The following GALNT17 variants were observed in gnomAD, a reference collection of about 807,000 sequenced individuals.
The protein encoded by GALNT17 is polypeptide N-acetylgalactosaminyltransferase 17, also known as UDP-GalNAc:polypeptide N-acetylgalactosaminyltransferase-like 3.
Under a neutral mutation model 63.7 loss-of-function variants are expected in GALNT17, and 29 were observed. That is an observed-to-expected ratio of 0.46 (90% CI 0.34 to 0.62). The LOEUF (loss-of-function observed/expected upper bound fraction) is 0.62. Ranked by LOEUF, GALNT17 falls within the 20% of genes least tolerant of loss-of-function variation. The pLI, the probability that GALNT17 is intolerant of heterozygous loss-of-function variation, is 0.01. For missense variants in GALNT17, 603 were observed against 799.6 expected, an observed-to-expected ratio of 0.75 and a Z score of 2.97; for synonymous variants, 305 against 318.3, an observed-to-expected ratio of 0.96 and a Z score of 0.45.
intron 1 of GALNT17, among the ~76,000 whole-genome samples, chr7:71,179,778 A>G (rs527429511): frequency 1.3e-5 from 2 of 152,310 alleles, no homozygotes; most frequent in South Asian, 2.1e-4. Context: ...ATCTCAGGCA[A>G]AAGACTGCTA....
At chr7:71,321,923 C>CTTCCTTCCTTTCTT (rs1455017909) in intron 1 of GALNT17, among the ~76,000 whole-genome samples, 1 of 47,082 alleles carries the variant, frequency 2.1e-5, no homozygotes, top group Non-Finnish European at 4.3e-5. Flanking sequence ...TCCTTCCTTC[C>CTTCCTTCCTTTCTT]CCTCCCTCCC....
At chr7:71,245,051 A>G (rs1583793404) in intron 1 of GALNT17, among the ~76,000 whole-genome samples, 1 of 152,148 alleles carries the variant, frequency 6.6e-6, no homozygotes, top group Non-Finnish European at 1.5e-5. Context: ...GATGTCACCT[A>G]GCCCCACTCT....
At chr7:71,701,923 G>GTGTATATATATA (rs1562742747) in intron 9 of GALNT17, among the ~76,000 whole-genome samples, 2 of 125,550 alleles carry the variant, frequency 1.6e-5, no homozygotes, top group Non-Finnish European at 3.3e-5. Flanking sequence ...ATATATATAT[G>GTGTATATATATA]TATATATATA....
At chr7:71,331,876 C>T (rs976196184) in intron 1 of GALNT17, among the ~76,000 whole-genome samples, 9 of 152,162 alleles carry the variant, frequency 5.9e-5, no homozygotes, top group Non-Finnish European at 1.2e-4. Context: ...ATAGTGAGTA[C>T]TGAATAAATG....
At chr7:71,319,432 A>G (rs10950257) in intron 1 of GALNT17, among the ~76,000 whole-genome samples, 94,923 of 151,772 alleles carry the variant, frequency 0.63, 29,968 homozygotes, top group African/African-American at 0.7. Flanking sequence ...TGATTCTATC[A>G]GTTGGTGTGT....
At position 71,670,093 on chromosome 7, in the gene GALNT17, C is replaced by G; in HGVS notation, c.1388C>G (p.Thr463Ser). Residue 463 changes from threonine to serine, a missense_variant, in exon 8 of 11, where the codon ACC becomes AGC. Thr to Ser is a moderately conservative substitution (Grantham distance 58). This residue lies in a region of GALNT17 where 336 missense variants were observed against 507.8 expected (regional missense o/e 0.66). Coordinates refer to ENST00000333538, the MANE Select transcript of GALNT17 (RefSeq NM_022479.3). ...VYPEMRRYNN[T>S]VAYGELRNNK... ...CCAGAAATGAGAAGATACAATAATACCGTTGCTTACGGGGAGGTAATTCAG... is the reference window on the plus strand; with the variant it reads ...CCAGAAATGAGAAGATACAATAATAGCGTTGCTTACGGGGAGGTAATTCAG... The G allele has an allele frequency of 6.2e-7, 1 of 1,614,076 alleles. No homozygotes were observed. The highest frequency in any genetic ancestry group is 8.5e-7 in the Non-Finnish European group (1 of 1,179,966).
chr7:71,706,749 C>T (rs749980614), intron 9 of GALNT17, among the ~76,000 whole-genome samples: 1 of 152,200 alleles, frequency 6.6e-6, no homozygotes, highest in Non-Finnish European at 1.5e-5. Flanking sequence ...GGAGACCAGC[C>T]AGGCCCTCCT....
chr7:71,546,681 T>C (rs1235709855), intron 5 of GALNT17, among the ~76,000 whole-genome samples: 3 of 152,204 alleles, frequency 2.0e-5, no homozygotes, highest in Non-Finnish European at 2.9e-5. Flanking sequence ...CTTACTCACC[T>C]AAAAGCATTG....
chr7:71,581,080 G>T (rs2116898882), intron 6 of GALNT17, among the ~76,000 whole-genome samples: 1 of 152,312 alleles, frequency 6.6e-6, no homozygotes, highest in Non-Finnish European at 1.5e-5. Context: ...TGGTGGAAGG[G>T]GAAGGAGAAT....
At chr7:71,245,271 G>A (rs924111354) in intron 1 of GALNT17, among the ~76,000 whole-genome samples, 6 of 152,178 alleles carry the variant, frequency 3.9e-5, no homozygotes, top group Non-Finnish European at 5.9e-5. Context: ...CAAGTGGGAA[G>A]ATTCTGTGGG....
intron 9 of GALNT17, among the ~76,000 whole-genome samples, chr7:71,708,597 G>A (rs1268656532): frequency 6.6e-6 from 1 of 152,144 alleles, no homozygotes; most frequent in South Asian, 2.1e-4. Context: ...TACATATATA[G>A]GTTTTTAACA....
intron 5 of GALNT17, among the ~76,000 whole-genome samples, chr7:71,454,276 A>C (rs1234473724): frequency 6.6e-6 from 1 of 152,106 alleles, no homozygotes; most frequent in Non-Finnish European, 1.5e-5. Flanking sequence ...CCCTGTGTCC[A>C]TGTATTCTCA....
At chr7:71,505,924 A>G (rs1043179785) in intron 5 of GALNT17, among the ~76,000 whole-genome samples, 2 of 152,198 alleles carry the variant, frequency 1.3e-5, no homozygotes, top group Non-Finnish European at 2.9e-5. Flanking sequence ...AATAAGCTTC[A>G]TATACACTTG....
At chr7:71,493,851 T>G (rs1331524849) in intron 5 of GALNT17, among the ~76,000 whole-genome samples, 9 of 152,224 alleles carry the variant, frequency 5.9e-5, no homozygotes, top group African/African-American at 2.2e-4. Flanking sequence ...ATATTTCCAT[T>G]TAAATCTATT....
intron 3 of GALNT17, among the ~76,000 whole-genome samples, chr7:71,403,622 G>A (rs1358633225): frequency 1.3e-5 from 2 of 152,182 alleles, no homozygotes; most frequent in African/African-American, 4.8e-5. Flanking sequence ...TTTCGTTTGC[G>A]CATAGGATTC....
At chr7:71,533,219 T>C (rs1033367170) in intron 5 of GALNT17, among the ~76,000 whole-genome samples, 8 of 152,104 alleles carry the variant, frequency 5.3e-5, no homozygotes, top group African/African-American at 1.4e-4. Flanking sequence ...AACAAAAATA[T>C]GTTCATTTTC....
intron 6 of GALNT17, among the ~76,000 whole-genome samples, chr7:71,653,163 C>T (rs1790778534): frequency 6.6e-6 from 1 of 151,656 alleles, no homozygotes; most frequent in South Asian, 2.1e-4. Flanking sequence ...CTACAGGCAC[C>T]TGCCACCACA....
chr7:71,411,345 C>T (rs1472548174), intron 3 of GALNT17, among the ~76,000 whole-genome samples: 3 of 151,990 alleles, frequency 2.0e-5, no homozygotes, highest in Non-Finnish European at 4.4e-5. Context: ...GTCTCGAACT[C>T]CTGAGCTCAA....
At chr7:71,178,541 T>C (rs1000603519) in intron 1 of GALNT17, among the ~76,000 whole-genome samples, 3 of 152,318 alleles carry the variant, frequency 2.0e-5, no homozygotes, top group East Asian at 1.9e-4. Context: ...TGGACTGATA[T>C]TGTCCCACAG....
Sources: allele counts gnomAD v4.1 joint callset (sites outside exome capture counted in the v4.1 genomes callset), GRCh38; gene constraint gnomAD v4.1.1; regional missense constraint gnomAD v4.1.1; transcripts MANE v1.5; gene names NCBI Gene and HGNC (gene_info 2026-07-23, HGNC 2026-07-21).